Variants in ANKAR observed in about 807,000 individuals in gnomAD.
ANKAR encodes the protein ankyrin and armadillo repeat-containing protein.
In ANKAR, 136 loss-of-function variants were observed where a neutral mutation model predicts 146.2. That is an observed-to-expected ratio of 0.93 (90% CI 0.81 to 1.07). The LOEUF is 1.07. Ranked by LOEUF, ANKAR falls within the 50% of genes least tolerant of loss-of-function variation. The pLI, the probability that ANKAR is intolerant of heterozygous loss-of-function variation, is 0.00. For missense variants in ANKAR, 1,567 were observed against 1,679.9 expected, an observed-to-expected ratio of 0.93 and a Z score of 1.18; for synonymous variants, 500 against 575.8, an observed-to-expected ratio of 0.87 and a Z score of 1.88.
chr2:189,753,193 A>ATATT, intron 18 of ANKAR: 1 of 325,184 alleles, frequency 3.1e-6, no homozygotes, highest in Non-Finnish European at 5.6e-6. Context: ...GCATTTTTGT[A>ATATT]TATTTTCTTC....
At chr2:189,729,715 T>TGTGTGTGTGTGTGTGTGTGTGG (rs61101787) in intron 15 of ANKAR, among the ~76,000 whole-genome samples, 3,479 of 141,370 alleles carry the variant, frequency 0.025, 143 homozygotes, top group African/African-American at 0.072. Context: ...TGTGTGTGTG[T>TGTGTGTGTGTGTGTGTGTGTGG]GGTGCGGGTG....
intron 18 of ANKAR, chr2:189,754,409 G>A: frequency 7.1e-7 from 1 of 1,415,316 alleles, no homozygotes; most frequent in Non-Finnish European, 9.5e-7. Flanking sequence ...AAGATGCAAA[G>A]GAAATAAATT....
At chr2:189,688,850 A>G (rs1412227922) in intron 2 of ANKAR, among the ~76,000 whole-genome samples, 2 of 152,198 alleles carry the variant, frequency 1.3e-5, no homozygotes, top group African/African-American at 4.8e-5. Context: ...TCACGTGTAC[A>G]GCCTCTGTAA....
chr2:189,676,650 T>C lies in ANKAR; in HGVS notation c.160T>C (p.Trp54Arg). 6.2e-7 allele frequency: 1 copy of C among 1,614,178 alleles called. No individual in the cohort carries two copies. The highest frequency in any genetic ancestry group is 8.5e-7 in the Non-Finnish European group (1 of 1,180,030). Reference sequence around the variant, plus strand: ...GTTACTAACTACTGCACTAGTTAGCTGGTTGTCTGCCAAAGAGGATGTGCG... The same window carrying C: ...GTTACTAACTACTGCACTAGTTAGCCGGTTGTCTGCCAAAGAGGATGTGCG... ...QELLTTALVS[W>R]LSAKEDVRSQ... The change falls in exon 2 of 23, where the codon TGG becomes CGG. Residue 54 changes from tryptophan to arginine, a missense_variant. By Grantham distance (101) the Trp-to-Arg change is moderately radical. Transcript: ENST00000684021.
downstream of ANKAR, among the ~76,000 whole-genome samples, chr2:189,749,193 C>T (rs1182323795): frequency 7.1e-6 from 1 of 139,986 alleles, no homozygotes; most frequent in African/African-American, 2.6e-5. Context: ...TTGCAGTGAG[C>T]CGAGATCGAG....
chr2:189,690,477 G>A (rs145765702), intron 3 of ANKAR, among the ~76,000 whole-genome samples: 1 of 152,316 alleles, frequency 6.6e-6, no homozygotes, highest in Non-Finnish European at 1.5e-5. Flanking sequence ...ATAGAGCAAT[G>A]TAAGAGAATA....
intron 18 of ANKAR, among the ~76,000 whole-genome samples, chr2:189,756,261 C>T (rs2046067765): frequency 6.6e-6 from 1 of 152,014 alleles, no homozygotes; most frequent in Non-Finnish European, 1.5e-5. Flanking sequence ...ATTTTTGGTC[C>T]ATGTAGGATG....
intron 7 of ANKAR, among the ~76,000 whole-genome samples, chr2:189,701,215 T>C (rs1042555933): frequency 1.3e-5 from 2 of 152,114 alleles, no homozygotes; most frequent in East Asian, 1.9e-4. Flanking sequence ...CTGTTCTTTT[T>C]TCCCCCTAGA....
At chr2:189,751,401 T>C (rs1173022921), downstream of ANKAR, among the ~76,000 whole-genome samples, 4 of 151,662 alleles carry the variant, frequency 2.6e-5, no homozygotes, top group Non-Finnish European at 5.9e-5. Flanking sequence ...AATTCATATA[T>C]AGCACAACTG....
At chr2:189,701,435 A>G (rs2038038748) in intron 7 of ANKAR, among the ~76,000 whole-genome samples, 1 of 151,858 alleles carries the variant, frequency 6.6e-6, no homozygotes, top group African/African-American at 2.4e-5. Flanking sequence ...AGGTCTCACT[A>G]TGTTGCCCAG....
Position 189,744,779 on chromosome 2 carries a change from T to A in ANKAR, c.4048T>A (p.Phe1350Ile). ...KNGGPSIIPI[F>I]KRGKEHRRKL... The stretch of plus-strand genomic sequence containing the variant: ...TGGAGGACCATCCATAATTCCTATC[T>A]TTAAAAGAGGTAATTGATTTTTCTT... The change falls in exon 22 of 23, where the codon TTT becomes ATT. Residue 1350 changes from phenylalanine to isoleucine, a missense_variant. Physicochemically the swap from Phe to Ile is conservative, Grantham distance 21. Transcript: ENST00000684021. 5 of 1,588,096 alleles carry A rather than the reference T, an allele frequency of 3.1e-6. No homozygotes were observed. Among genetic ancestry groups the A allele is most frequent in the Non-Finnish European group, 4.3e-6 (5 of 1,158,556 alleles).
intron 15 of ANKAR, among the ~76,000 whole-genome samples, chr2:189,729,736 G>A (rs184982967): frequency 7.3e-6 from 1 of 137,644 alleles, no homozygotes; most frequent in Admixed American, 7.0e-5. Context: ...GGGGGTTTGT[G>A]GGGACAAAGG....
chr2:189,683,877 C>T (rs1220278334), intron 2 of ANKAR, among the ~76,000 whole-genome samples: 3 of 152,228 alleles, frequency 2.0e-5, no homozygotes, highest in African/African-American at 7.2e-5. Context: ...TGCTGGGAAT[C>T]CGTCTTGGCC....
intron 19 of ANKAR, 62 bp downstream of exon 19, chr2:189,738,744 T>C: frequency 1.0e-6 from 1 of 993,356 alleles, no homozygotes; most frequent in South Asian, 1.5e-5. Context: ...CAGTTTATTG[T>C]AATCTGAATA....
chr2:189,758,097 T>C (rs1432327716), intron 18 of ANKAR, among the ~76,000 whole-genome samples: 1 of 151,980 alleles, frequency 6.6e-6, no homozygotes, highest in African/African-American at 2.4e-5. Context: ...TGTTTAAAAG[T>C]GTGGGCCGGG....
At chr2:189,679,284 A>C (rs1291676142) in intron 2 of ANKAR, among the ~76,000 whole-genome samples, 2 of 152,158 alleles carry the variant, frequency 1.3e-5, no homozygotes, top group African/African-American at 4.8e-5. Context: ...GGTGTATAGC[A>C]GTGCTACTGA....
At chr2:189,762,457 CCAGA>C (rs2047230871), downstream of ANKAR, 11 of 468,512 alleles carry the variant, frequency 2.3e-5, no homozygotes, top group Non-Finnish European at 3.1e-5. Context: ...GCAGTGCAGC[CCAGA>C]CAGACACAAC....
At chr2:189,707,452 CAAAAAAAAAAA>C (rs67227035) in intron 9 of ANKAR, among the ~76,000 whole-genome samples, 1 of 72,934 alleles carries the variant, frequency 1.4e-5, no homozygotes, top group African/African-American at 5.5e-5. Flanking sequence ...TCTCCTTCAT[CAAAAAAAAAAA>C]AAAAAAAAAA....
chr2:189,755,704 A>G, intron 18 of ANKAR: 5 of 849,568 alleles, frequency 5.9e-6, no homozygotes, highest in Non-Finnish European at 8.6e-6. Flanking sequence ...CTTCTAACAT[A>G]GCACACTATG....
Sources: allele counts gnomAD v4.1 joint callset (sites outside exome capture counted in the v4.1 genomes callset), GRCh38; gene constraint gnomAD v4.1.1; transcripts MANE v1.5; gene names NCBI Gene and HGNC (gene_info 2026-07-23, HGNC 2026-07-21).